The following SEMA5A variants were observed in gnomAD, a reference collection of about 807,000 sequenced individuals.
SEMA5A encodes semaphorin-5A.
A neutral mutation model predicts 135.5 loss-of-function variants in SEMA5A; 55 were observed. That is an observed-to-expected ratio of 0.41 (90% CI 0.33 to 0.51). The LOEUF is 0.51. SEMA5A is among the 20% of genes least tolerant of loss of function. The probability of loss-of-function intolerance (pLI) is 0.37; values close to 1 mark genes in which losing one functional copy is unlikely to be tolerated. For synonymous variants in SEMA5A, 580 were observed against 546.5 expected, an observed-to-expected ratio of 1.06 and a Z score of -0.85; for missense variants, 1,290 against 1,419.9, an observed-to-expected ratio of 0.91 and a Z score of 1.47.
intron 1 of SEMA5A, chr5:9,523,279 T>C (rs550830771): frequency 6.6e-6 from 1 of 152,266 alleles, no homozygotes; most frequent in East Asian, 1.9e-4. Flanking sequence ...CAGAGCCTTA[T>C]CCTATCACAG....
intron 9 of SEMA5A, among the ~76,000 whole-genome samples, chr5:9,198,731 A>T (rs952308487): frequency 6.6e-6 from 1 of 152,150 alleles, no homozygotes; most frequent in African/African-American, 2.4e-5. Flanking sequence ...AGAGAATGGG[A>T]GAAGTTAAAA....
intron 16 of SEMA5A, among the ~76,000 whole-genome samples, chr5:9,092,383 T>C (rs1198999607): frequency 6.6e-6 from 1 of 152,236 alleles, no homozygotes; most frequent in Non-Finnish European, 1.5e-5. Flanking sequence ...AGATTTCTTT[T>C]CTAATGAGGC....
chr5:9,208,522 G>C (rs1170453151), intron 8 of SEMA5A, among the ~76,000 whole-genome samples: 1 of 152,184 alleles, frequency 6.6e-6, no homozygotes, highest in African/African-American at 2.4e-5. Context: ...CAGGGCAGCT[G>C]GGAGAAACAG....
chr5:9,378,745 T>C (rs982061459), intron 3 of SEMA5A, among the ~76,000 whole-genome samples: 2 of 152,224 alleles, frequency 1.3e-5, no homozygotes, highest in African/African-American at 4.8e-5. Flanking sequence ...TAAATCTCGA[T>C]TTGACTTAAC....
intron 2 of SEMA5A, among the ~76,000 whole-genome samples, chr5:9,410,555 C>T (rs574372285): frequency 6.6e-6 from 1 of 152,214 alleles, no homozygotes; most frequent in Non-Finnish European, 1.5e-5. Context: ...AAATACATTC[C>T]TCAGGGACAA....
chr5:9,196,787 C>A (rs1164675299), intron 10 of SEMA5A, among the ~76,000 whole-genome samples: 1 of 152,212 alleles, frequency 6.6e-6, no homozygotes, highest in East Asian at 1.9e-4. Flanking sequence ...GTTTGTGTGT[C>A]TCTGCTGCTC....
Position 9,254,901 on chromosome 5 carries a change from C to T in SEMA5A, c.271-17011G>A, listed in dbSNP as rs566916641. Among the ~76,000 whole-genome samples the T allele has an allele frequency of 5.9e-5, 9 of 152,128 alleles. No individual in the cohort carries two copies. In the South Asian group the frequency reaches 1.0e-3, roughly 18 times the overall value. The stretch of plus-strand genomic sequence containing the variant: ...GTTTAAGCCCGTGGTGATAAGGCAA[C>T]GAGGCTGAATTCAATAAGCTTGAAT... On this transcript the variant is annotated intron_variant, in intron 5 of 22. Coordinates refer to ENST00000382496, the MANE Select transcript of SEMA5A (RefSeq NM_003966.3).
intron 10 of SEMA5A, 58 bp from the exon 11 acceptor site, chr5:9,190,529 C>T: frequency 6.5e-7 from 1 of 1,532,474 alleles, no homozygotes; most frequent in South Asian, 1.1e-5. Context: ...CCACAGCTGG[C>T]TGTGGCCACC....
chr5:9,062,459 T>C (rs1278017660), intron 18 of SEMA5A, among the ~76,000 whole-genome samples: 1 of 152,166 alleles, frequency 6.6e-6, no homozygotes. Flanking sequence ...AAGACATTTA[T>C]TTATTTGTTT....
chr5:9,043,031 A>T lies in SEMA5A; in HGVS notation c.3106-15T>A, dbSNP rs761439312. 1.2e-4 allele frequency: 168 copies of T among 1,436,068 alleles called. No homozygotes were observed. Among genetic ancestry groups the T allele is most frequent in the Non-Finnish European group, 1.5e-4 (164 of 1,094,582 alleles). 89.0% of individuals were successfully genotyped at this position (1,436,068 alleles called of 1,614,324 possible). ...TTGTTAAATGCCTGGAAAATATATT[A>T]AAAAAAAACAGGTTTAAGAATGCTG... On this transcript the variant is annotated splice_polypyrimidine_tract_variant and intron_variant, in intron 22 of 22. Transcript: ENST00000382496.
At chr5:9,284,702 T>C (rs563958194) in intron 5 of SEMA5A, among the ~76,000 whole-genome samples, 18 of 152,312 alleles carry the variant, frequency 1.2e-4, no homozygotes, top group African/African-American at 3.8e-4. Context: ...CATGGGCTAA[T>C]GCAGACCTAA....
At chr5:9,164,226 G>T (rs59698705) in intron 11 of SEMA5A, among the ~76,000 whole-genome samples, 15,877 of 136,642 alleles carry the variant, frequency 0.12, 1,572 homozygotes, top group African/African-American at 0.26. Flanking sequence ...TATAAATATA[G>T]CATATAAATA....
intron 2 of SEMA5A, among the ~76,000 whole-genome samples, chr5:9,393,499 C>T (rs967038266): frequency 2.0e-5 from 3 of 152,164 alleles, no homozygotes; most frequent in South Asian, 2.1e-4. Context: ...TTCAAATCTT[C>T]GCTCCACCAT....
At chr5:9,464,575 A>AT (rs1349006921) in intron 1 of SEMA5A, among the ~76,000 whole-genome samples, 2 of 152,280 alleles carry the variant, frequency 1.3e-5, no homozygotes, top group East Asian at 3.9e-4. Flanking sequence ...ATAGGTGTTG[A>AT]TTTTCAGTCA....
chr5:9,057,466 T>C (rs1360877625), intron 18 of SEMA5A, among the ~76,000 whole-genome samples: 1 of 152,256 alleles, frequency 6.6e-6, no homozygotes, highest in Non-Finnish European at 1.5e-5. Context: ...CCAATGTGTA[T>C]GTGATCTAGT....
At chr5:9,462,197 C>T (rs1443969273) in intron 1 of SEMA5A, among the ~76,000 whole-genome samples, 1 of 152,200 alleles carries the variant, frequency 6.6e-6, no homozygotes, top group African/African-American at 2.4e-5. Flanking sequence ...AGAAGACATA[C>T]ACGCAGCCAA....
At chr5:9,189,553 T>G (rs539389593) in intron 11 of SEMA5A, among the ~76,000 whole-genome samples, 2 of 152,030 alleles carry the variant, frequency 1.3e-5, no homozygotes, top group Non-Finnish European at 2.9e-5. Context: ...GGACAAAGAA[T>G]GGGGAGGGGC....
At chr5:9,127,105 T>C (rs763470382) in intron 13 of SEMA5A, among the ~76,000 whole-genome samples, 1 of 152,204 alleles carries the variant, frequency 6.6e-6, no homozygotes, top group Non-Finnish European at 1.5e-5. Context: ...ATCTTGGCAT[T>C]GGTCTCTGTG....
chr5:9,402,462 C>T (rs139396307), intron 2 of SEMA5A, among the ~76,000 whole-genome samples: 27 of 152,090 alleles, frequency 1.8e-4, no homozygotes, highest in African/African-American at 5.1e-4. Flanking sequence ...TACTAATCTT[C>T]GGTAATTCTC....
Sources: allele counts gnomAD v4.1 joint callset (sites outside exome capture counted in the v4.1 genomes callset), GRCh38; gene constraint gnomAD v4.1.1; transcripts MANE v1.5; gene names NCBI Gene and HGNC (gene_info 2026-07-23, HGNC 2026-07-21).